The following PPP3R1 variants were observed in gnomAD, a reference collection of about 807,000 sequenced individuals.
PPP3R1 encodes the protein calcineurin subunit B type 1.
Under a neutral mutation model 22.6 loss-of-function variants are expected in PPP3R1, and 5 were observed. The observed-to-expected ratio is 0.22, with a 90% CI of 0.12 to 0.46. PPP3R1 has a LOEUF of 0.46. PPP3R1 is among the 20% of genes least tolerant of loss of function. The probability of loss-of-function intolerance (pLI) is 0.99; values close to 1 mark genes in which losing one functional copy is unlikely to be tolerated. For synonymous variants in PPP3R1, 56 were observed against 65.2 expected (o/e 0.86, Z 0.68); for missense variants, 61 against 203.2 (o/e 0.30, Z 4.25).
intron 2 of PPP3R1, among the ~76,000 whole-genome samples, chr2:68,212,054 A>C (rs916821234): frequency 2.0e-5 from 3 of 152,176 alleles, no homozygotes; most frequent in Admixed American, 2.0e-4. Flanking sequence ...ATTAATGGCA[A>C]ATCTATAATA....
chr2:68,202,294 T>C (rs59773538), intron 2 of PPP3R1, among the ~76,000 whole-genome samples: 6,213 of 152,336 alleles, frequency 0.041, 361 homozygotes, highest in African/African-American at 0.13. Context: ...GATTACTATA[T>C]GTCATGAACC....
chr2:68,237,059 C>T (rs1475279389), intron 1 of PPP3R1, among the ~76,000 whole-genome samples: 3 of 152,144 alleles, frequency 2.0e-5, no homozygotes, highest in Non-Finnish European at 1.5e-5. Flanking sequence ...CTGAGCTTCT[C>T]ATTCTGTGAA....
chr2:68,215,510 T>C (rs950410254), intron 2 of PPP3R1, among the ~76,000 whole-genome samples: 2 of 151,938 alleles, frequency 1.3e-5, no homozygotes, highest in South Asian at 2.1e-4. Flanking sequence ...ACAGTAAAAA[T>C]AGGAAAAGAA....
intron 3 of PPP3R1, 43 bp from the exon 4 acceptor site, chr2:68,187,357 T>A (rs2103720450): frequency 6.7e-7 from 1 of 1,501,404 alleles, no homozygotes; most frequent in Non-Finnish European, 9.2e-7. Flanking sequence ...AACTTCCAAT[T>A]TTTTACACAA....
In PPP3R1 at chr2:68,218,151, C is replaced by A. The variant is rs184733207; in HGVS notation, c.4-1020G>T. Among the ~76,000 whole-genome samples the A allele has an allele frequency of 4.2e-3, 638 of 151,896 alleles. 3 individuals carry two copies. The highest frequency in any genetic ancestry group is 6.8e-3 in the Middle Eastern group (2 of 294). On this transcript the variant is annotated intron_variant, in intron 1 of 5. Transcript: ENST00000234310. ...TTTATCTAACCTTGACCCTGCCTAG[C>A]AATTAAATAGCAGTAAGTATACAGT...
chr2:68,215,416 G>A (rs548843374), intron 2 of PPP3R1, among the ~76,000 whole-genome samples: 17 of 152,174 alleles, frequency 1.1e-4, no homozygotes, highest in Non-Finnish European at 1.8e-4. Context: ...TAAGGAAGCC[G>A]CATAGTAAAT....
rs905229661 is a variant in PPP3R1, at chr2:68,180,849, C to T, written c.*114G>A. On this transcript the variant is annotated 3_prime_UTR_variant, in exon 6 of 6. Coordinates refer to ENST00000234310, the MANE Select transcript of PPP3R1 (RefSeq NM_000945.4). ...AGGCTCATGTTGGAAAATGTGGCTT[C>T]ACAGAGAAAAATACTTCCATTTAAA... The T allele has an allele frequency of 2.7e-6, 3 of 1,107,394 alleles. No individual in the cohort carries two copies. The highest frequency in any genetic ancestry group is 3.9e-6 in the Non-Finnish European group (3 of 761,914). The allele number at this position is 1,107,394 out of a possible 1,614,324, so 68.6% of individuals were successfully genotyped here. A position where few individuals can be genotyped will look rare whatever the true frequency, so the allele number is the denominator to read the frequency against.
chr2:68,238,656 T>C (rs1400682410), intron 1 of PPP3R1, among the ~76,000 whole-genome samples: 1 of 152,050 alleles, frequency 6.6e-6, no homozygotes, highest in Non-Finnish European at 1.5e-5. Flanking sequence ...TAAGGCAGAA[T>C]GAAGGAAGAA....
chr2:68,199,688 C>T (rs1315495826), intron 2 of PPP3R1, among the ~76,000 whole-genome samples: 1 of 152,206 alleles, frequency 6.6e-6, no homozygotes, highest in Non-Finnish European at 1.5e-5. Context: ...TTTTGCCAAA[C>T]ACTTTGCTGT....
chr2:68,246,646 G>A (rs374409324), intron 1 of PPP3R1, among the ~76,000 whole-genome samples: 30 of 151,888 alleles, frequency 2.0e-4, no homozygotes, highest in African/African-American at 7.3e-4. Flanking sequence ...CTTCAATCTG[G>A]CATCATGCTA....
chr2:68,217,045 G>T, intron 2 of PPP3R1, 47 bp downstream of exon 2: 1 of 1,367,688 alleles, frequency 7.3e-7, no homozygotes, highest in East Asian at 2.5e-5. Flanking sequence ...CACACAGAGA[G>T]AGATGAGTGA....
intron 1 of PPP3R1, among the ~76,000 whole-genome samples, chr2:68,235,062 A>G (rs1264433389): frequency 6.6e-6 from 1 of 152,218 alleles, no homozygotes; most frequent in Non-Finnish European, 1.5e-5. Context: ...ATTTTGAATG[A>G]AAAATTGAGT....
At chr2:68,241,843 CAAAAAA>C (rs35587118) in intron 1 of PPP3R1, among the ~76,000 whole-genome samples, 1 of 92,710 alleles carries the variant, frequency 1.1e-5, no homozygotes, top group Admixed American at 1.2e-4. Flanking sequence ...GACTCCATCT[CAAAAAA>C]AAAAAAAAAA....
At chr2:68,235,481 A>T (rs1053027486) in intron 1 of PPP3R1, among the ~76,000 whole-genome samples, 3 of 152,212 alleles carry the variant, frequency 2.0e-5, no homozygotes, top group African/African-American at 7.2e-5. Flanking sequence ...ATCCTGTATG[A>T]CTGGCTACTT....
At chr2:68,194,620 T>G (rs1674732291) in intron 2 of PPP3R1, among the ~76,000 whole-genome samples, 1 of 152,044 alleles carries the variant, frequency 6.6e-6, no homozygotes, top group Non-Finnish European at 1.5e-5. Flanking sequence ...ACCACAGTGT[T>G]CTGGTTCTGA....
intron 2 of PPP3R1, among the ~76,000 whole-genome samples, chr2:68,189,825 C>A (rs1303604635): frequency 6.6e-6 from 1 of 152,042 alleles, no homozygotes; most frequent in Non-Finnish European, 1.5e-5. Context: ...GCTGAGATCA[C>A]GCCACTGCTT....
chr2:68,223,806 C>CAAA (rs79743936), intron 1 of PPP3R1, among the ~76,000 whole-genome samples: 1 of 58,536 alleles, frequency 1.7e-5, no homozygotes, highest in Non-Finnish European at 3.9e-5. Flanking sequence ...AAAGGGAAGA[C>CAAA]AAAAAAAAAA....
At chr2:68,227,419 T>C (rs1669803606) in intron 1 of PPP3R1, among the ~76,000 whole-genome samples, 1 of 152,046 alleles carries the variant, frequency 6.6e-6, no homozygotes, top group African/African-American at 2.4e-5. Context: ...CTGACCATCT[T>C]AGTAACTGTT....
At chr2:68,248,733 A>C (rs1670282710) in intron 1 of PPP3R1, among the ~76,000 whole-genome samples, 1 of 152,332 alleles carries the variant, frequency 6.6e-6, no homozygotes, top group East Asian at 1.9e-4. Flanking sequence ...TGCCTACTGC[A>C]ACGCTGATCT....
Sources: gnomAD v4.1 joint callset for allele counts (sites outside exome capture counted in the v4.1 genomes callset) on GRCh38, gnomAD v4.1.1 for gene constraint, MANE v1.5 for transcripts, NCBI Gene and HGNC (gene_info 2026-07-23, HGNC 2026-07-21) for gene names.